DTNA: variants seen among roughly 807,000 people sequenced by gnomAD.
The protein encoded by DTNA is dystrophin-related protein 3.
DTNA carries 43 observed loss-of-function variants against 100.7 expected under a neutral mutation model. That is an observed-to-expected ratio of 0.43 (90% confidence interval 0.33 to 0.55). DTNA has a LOEUF of 0.55. Among genes scored for constraint, DTNA ranks in the 20% least tolerant of loss-of-function variants. The pLI, the probability that DTNA is intolerant of heterozygous loss-of-function variation, is 0.04. For missense variants in DTNA, 798 were observed against 953.9 expected (o/e 0.84, Z 2.15); for synonymous variants, 349 against 347.9 (o/e 1.00, Z -0.04).
chr18:34,730,100 T>G (rs530627634), intron 1 of DTNA, among the ~76,000 whole-genome samples: 2 of 152,300 alleles, frequency 1.3e-5, no homozygotes, highest in Admixed American at 6.5e-5. Flanking sequence ...TTCCGAAGCC[T>G]ACAGGATGTA....
At chr18:34,556,295 G>A (rs1216678565) in intron 1 of DTNA, among the ~76,000 whole-genome samples, 1 of 152,104 alleles carries the variant, frequency 6.6e-6, no homozygotes, top group East Asian at 1.9e-4. Context: ...CCTGAATACA[G>A]CACACTGATG....
chr18:34,706,103 C>A (rs540935710), upstream of DTNA, among the ~76,000 whole-genome samples: 163 of 152,250 alleles, frequency 1.1e-3, 1 homozygote, highest in African/African-American at 3.8e-3. Context: ...AATACGCCAC[C>A]ATGCCCAGCT....
At chr18:34,502,831 G>A (rs770651591) in intron 1 of DTNA, among the ~76,000 whole-genome samples, 2 of 152,110 alleles carry the variant, frequency 1.3e-5, no homozygotes, top group Admixed American at 6.5e-5. Context: ...TGTATATTTG[G>A]CTGTTTCGGG....
intron 1 of DTNA, among the ~76,000 whole-genome samples, chr18:34,614,353 A>T (rs952496402): frequency 2.0e-5 from 3 of 152,174 alleles, no homozygotes; most frequent in African/African-American, 7.2e-5. Context: ...CATTCTGTAG[A>T]CCATAGATCA....
At chr18:34,887,668 T>G (rs765876162) in intron 22 of DTNA, 98 bp from the exon 23 acceptor site, 6 of 938,728 alleles carry the variant, frequency 6.4e-6, no homozygotes, top group Non-Finnish European at 7.6e-6. Context: ...CGCGCGCACT[T>G]TCTTCTATAT....
intron 1 of DTNA, among the ~76,000 whole-genome samples, chr18:34,572,665 C>T (rs1341979620): frequency 6.6e-6 from 1 of 152,078 alleles, no homozygotes; most frequent in African/African-American, 2.4e-5. Flanking sequence ...TTCCTCTTGA[C>T]TTTTGCAGAG....
intron 4 of DTNA, among the ~76,000 whole-genome samples, chr18:34,804,724 A>C (rs563847062): frequency 2.6e-5 from 4 of 152,196 alleles, no homozygotes; most frequent in African/African-American, 9.7e-5. Context: ...TCTTTTGAAC[A>C]TACTTAGTTT....
chr18:34,572,845 C>T (rs2047724990), intron 1 of DTNA, among the ~76,000 whole-genome samples: 1 of 152,150 alleles, frequency 6.6e-6, no homozygotes, highest in African/African-American at 2.4e-5. Flanking sequence ...GGAAAGTGGC[C>T]TCTTTATTCC....
chr18:34,757,297 T>C (rs145479017), intron 2 of DTNA: 446 of 152,306 alleles, frequency 2.9e-3, no homozygotes, highest in African/African-American at 0.011. Context: ...TAGTGAGTAC[T>C]TGTCCATCTA....
At chr18:34,723,449 T>C (rs566995254) in intron 1 of DTNA, among the ~76,000 whole-genome samples, 4 of 152,336 alleles carry the variant, frequency 2.6e-5, no homozygotes, top group Non-Finnish European at 4.4e-5. Flanking sequence ...TAGGAAATTA[T>C]GTGAAACATA....
chr18:34,513,085 T>C (rs1009826655), intron 1 of DTNA, among the ~76,000 whole-genome samples: 2 of 152,118 alleles, frequency 1.3e-5, no homozygotes, highest in Non-Finnish European at 2.9e-5. Flanking sequence ...TAGATTGTCA[T>C]GTGTTTTCAA....
intron 1 of DTNA, among the ~76,000 whole-genome samples, chr18:34,597,504 C>G (rs2147092637): frequency 6.6e-6 from 1 of 152,254 alleles, no homozygotes; most frequent in African/African-American, 2.4e-5. Context: ...CTTGCTGAAA[C>G]CAACATACCC....
chr18:34,869,214 A>T (rs551924176), intron 17 of DTNA, among the ~76,000 whole-genome samples: 16 of 152,292 alleles, frequency 1.1e-4, no homozygotes, highest in African/African-American at 3.9e-4. Context: ...GTAAAATCTT[A>T]TACGTCAGCT....
intron 17 of DTNA, among the ~76,000 whole-genome samples, chr18:34,870,463 T>C (rs1264776666): frequency 1.3e-5 from 2 of 152,124 alleles, no homozygotes; most frequent in East Asian, 3.8e-4. Context: ...ATAATTCACC[T>C]CAGAAATGAT....
intron 1 of DTNA, among the ~76,000 whole-genome samples, chr18:34,752,455 G>A (rs907662313): frequency 6.6e-6 from 1 of 152,184 alleles, no homozygotes; most frequent in Admixed American, 6.5e-5. Flanking sequence ...CCACAGTGGT[G>A]TTCCCTGCCT....
In DTNA at chr18:34,889,256, C is replaced by T. The variant is rs1015154738; in HGVS notation, c.*1522C>T. The T allele has an allele frequency of 2.8e-5, 28 of 984,954 alleles. No individual in the cohort carries two copies. Among genetic ancestry groups the T allele is most frequent in the Non-Finnish European group, 3.0e-5 (25 of 829,732 alleles). 61.0% of individuals were successfully genotyped at this position (984,954 alleles called of 1,614,324 possible). ...AGAACAATAGTTCTCAAAGTGTGTT[C>T]CCCGGACAAGCAGCATCTGCAACAC... On this transcript the variant is annotated 3_prime_UTR_variant, in exon 23 of 23. Coordinates refer to ENST00000444659, the MANE Select transcript of DTNA (RefSeq NM_001386795.1).
Position 34,768,144 on chromosome 18 carries a change from G to A in DTNA, c.148+2103G>A, listed in dbSNP as rs184304513. On this transcript the variant is annotated intron_variant, in intron 3 of 22. Transcript: ENST00000444659. ...TATGATTGTCCCACGTTCTTATCAT[G>A]TGTTACCACTACAATGGCCTCAGAA... Among the ~76,000 whole-genome samples the A allele has an allele frequency of 8.5e-5, 13 of 152,278 alleles. No homozygotes were observed. In the East Asian group the frequency reaches 2.3e-3, roughly 27 times the overall value.
intron 1 of DTNA, among the ~76,000 whole-genome samples, chr18:34,651,136 C>T (rs1054254851): frequency 6.6e-6 from 1 of 152,136 alleles, no homozygotes; most frequent in African/African-American, 2.4e-5. Context: ...CCCTATTCTC[C>T]TTAGACACTT....
At chr18:34,593,160 A>G (rs2049935342) in intron 1 of DTNA, among the ~76,000 whole-genome samples, 1 of 152,194 alleles carries the variant, frequency 6.6e-6, no homozygotes, top group Admixed American at 6.6e-5. Flanking sequence ...TTACCCACGT[A>G]GAGACAGGTA....
Sources: gnomAD v4.1 joint callset for allele counts (sites outside exome capture counted in the v4.1 genomes callset) on GRCh38, gnomAD v4.1.1 for gene constraint, MANE v1.5 for transcripts, NCBI Gene and HGNC (gene_info 2026-07-23, HGNC 2026-07-21) for gene names.